KCNMA1: variants seen among roughly 807,000 people sequenced by gnomAD.
KCNMA1 encodes the protein potassium calcium-activated channel subfamily M alpha 1, also known as Calcium-activated potassium channel subunit alpha-1.
Under a neutral mutation model 140.0 loss-of-function variants are expected in KCNMA1, and 29 were observed. The ratio of observed to expected loss-of-function variants is 0.21; its 90% CI spans 0.15 to 0.28. KCNMA1 has a LOEUF of 0.28. KCNMA1 is among the 10% of genes least tolerant of loss of function. The pLI, the probability that KCNMA1 is intolerant of heterozygous loss-of-function variation, is 1.00. For missense variants in KCNMA1, 880 were observed against 1,602.2 expected (o/e 0.55, Z 7.70); for synonymous variants, 612 against 611.9 (o/e 1.00, Z 0.00).
At chr10:77,177,383 A>C (rs1283060632) in intron 5 of KCNMA1, among the ~76,000 whole-genome samples, 39 of 93,094 alleles carry the variant, frequency 4.2e-4, no homozygotes, top group Admixed American at 9.4e-4. Flanking sequence ...TCCTTCCTTC[A>C]CTTTCTTCCT....
intron 5 of KCNMA1, among the ~76,000 whole-genome samples, chr10:77,158,838 T>C (rs2154074135): frequency 6.6e-6 from 1 of 152,200 alleles, no homozygotes; most frequent in South Asian, 2.1e-4. Context: ...AAGGGAGGAC[T>C]GTGTAGTTGT....
At chr10:77,576,389 C>A (rs1480522925) in intron 1 of KCNMA1, among the ~76,000 whole-genome samples, 2 of 152,214 alleles carry the variant, frequency 1.3e-5, no homozygotes, top group Non-Finnish European at 2.9e-5. Context: ...CTTAGCCTCT[C>A]TTTCTCCCTA....
At chr10:77,043,721 A>G (rs1362434317) in intron 14 of KCNMA1, among the ~76,000 whole-genome samples, 2 of 152,186 alleles carry the variant, frequency 1.3e-5, no homozygotes, top group Non-Finnish European at 2.9e-5. Flanking sequence ...GCATTACGCT[A>G]ATTGAAATAA....
chr10:77,090,560 T>A (rs2096788875), intron 9 of KCNMA1, 50 bp from the exon 10 acceptor site: 1 of 1,206,478 alleles, frequency 8.3e-7, no homozygotes, highest in Non-Finnish European at 1.2e-6. Flanking sequence ...GACAGGACCC[T>A]GCATCCCACC....
chr10:77,066,064 G>A (rs925070578), intron 14 of KCNMA1, among the ~76,000 whole-genome samples: 24 of 152,270 alleles, frequency 1.6e-4, no homozygotes, highest in Admixed American at 1.6e-3. Context: ...GCCATTGTAG[G>A]GACTTTATTC....
intron 6 of KCNMA1, among the ~76,000 whole-genome samples, chr10:77,115,729 TC>T (rs2097445443): frequency 6.6e-6 from 1 of 152,322 alleles, no homozygotes; most frequent in East Asian, 1.9e-4. Flanking sequence ...GTTAGGGAGC[TC>T]TTGCCATATG....
At chr10:76,903,873 T>G (rs1340717683) in intron 25 of KCNMA1, 1 of 152,132 alleles carries the variant, frequency 6.6e-6, no homozygotes, top group African/African-American at 2.4e-5. Flanking sequence ...ACAGGCCAGC[T>G]CTCTGATATT....
chr10:77,501,635 A>G (rs1289700645), intron 1 of KCNMA1, among the ~76,000 whole-genome samples: 2 of 152,160 alleles, frequency 1.3e-5, no homozygotes, highest in Non-Finnish European at 2.9e-5. Context: ...GCAAGACTGC[A>G]GAGCTGAGCA....
rs372478628 is a variant in KCNMA1 at position 76,907,886 on chromosome 10, C to T, written c.3147+2080G>A. On this transcript the variant is annotated intron_variant, in intron 25 of 27. Coordinates refer to ENST00000286628, the MANE Select transcript of KCNMA1 (RefSeq NM_001161352.2). ...ACTCTGCTGTCACCATTTTGAAATT[C>T]TTAATAATTCATGAAAAGTGACCTT... Among the ~76,000 whole-genome samples, 10 of 152,240 alleles carry T rather than the reference C, an allele frequency of 6.6e-5. No individual in the cohort carries two copies. The East Asian group carries it at 1.9e-3, about 29-fold the overall frequency.
rs779419680 is a variant in KCNMA1, at chr10:77,637,270, T to C, written c.373A>G (p.Thr125Ala). ...GCGCCCGGGGCGCGCGTTACCTTCG[T>C]CTTGCCCCCGCAGTGGCAGCACACG... ...WTVCCHCGGK[T>A]KEAQKINNGS... is the part of the protein sequence containing the mutation. Residue 125 changes from threonine (T) to alanine (A), a missense_variant, in exon 1 of 28, where the codon ACG becomes GCG. Transcript: ENST00000286628. The C allele has an allele frequency of 6.2e-7, 1 of 1,606,630 alleles. No individual in the cohort carries two copies. The highest frequency in any genetic ancestry group is 8.5e-7 in the Non-Finnish European group (1 of 1,175,300).
chr10:77,043,449 A>G (rs2153597106), intron 14 of KCNMA1, among the ~76,000 whole-genome samples: 1 of 152,350 alleles, frequency 6.6e-6, no homozygotes, highest in Admixed American at 6.5e-5. Context: ...TCCTCAAAAA[A>G]TTAAACATAG....
At chr10:77,155,637 G>T (rs1006941134) in intron 5 of KCNMA1, among the ~76,000 whole-genome samples, 2 of 151,960 alleles carry the variant, frequency 1.3e-5, no homozygotes, top group African/African-American at 4.8e-5. Flanking sequence ...GTCAACACAA[G>T]TGTCTTTCTT....
chr10:77,508,988 T>C (rs910391686), intron 1 of KCNMA1, among the ~76,000 whole-genome samples: 2 of 152,238 alleles, frequency 1.3e-5, no homozygotes, highest in African/African-American at 4.8e-5. Flanking sequence ...GTGGCAGGAT[T>C]ACCTTCCTTT....
intron 3 of KCNMA1, 165 bp downstream of exon 3, chr10:77,251,030 T>A: frequency 1.5e-6 from 1 of 664,798 alleles, no homozygotes; most frequent in African/African-American, 1.8e-5. Context: ...CTGAGAACTT[T>A]CTTTCCCATT....
intron 26 of KCNMA1, 97 bp downstream of exon 26, chr10:76,891,428 A>C: frequency 1.1e-6 from 1 of 904,158 alleles, no homozygotes; most frequent in South Asian, 1.4e-5. Context: ...GAAGGAGAAA[A>C]GCCAGATGCC....
intron 1 of KCNMA1, among the ~76,000 whole-genome samples, chr10:77,561,206 G>C (rs1240511772): frequency 6.6e-6 from 1 of 151,890 alleles, no homozygotes; most frequent in Non-Finnish European, 1.5e-5. Context: ...TTGTGCTATG[G>C]GCTTCACACA....
intron 2 of KCNMA1, among the ~76,000 whole-genome samples, chr10:77,325,118 T>C (rs2083682677): frequency 6.6e-6 from 1 of 152,028 alleles, no homozygotes; most frequent in Non-Finnish European, 1.5e-5. Context: ...GCCTGACCAC[T>C]GAGGAGCAAA....
chr10:76,907,110 T>C (rs914087076), intron 25 of KCNMA1, among the ~76,000 whole-genome samples: 1 of 152,212 alleles, frequency 6.6e-6, no homozygotes, highest in Non-Finnish European at 1.5e-5. Context: ...ATGCTCCTGA[T>C]GATAAATACA....
At chr10:77,489,076 C>T (rs376625128) in intron 1 of KCNMA1, among the ~76,000 whole-genome samples, 1 of 152,142 alleles carries the variant, frequency 6.6e-6, no homozygotes, top group Non-Finnish European at 1.5e-5. Flanking sequence ...GAGCCTCAGA[C>T]AGGGGTAGAT....
Sources: allele counts gnomAD v4.1 joint callset (sites outside exome capture counted in the v4.1 genomes callset), GRCh38; gene constraint gnomAD v4.1.1; transcripts MANE v1.5; gene names NCBI Gene and HGNC (gene_info 2026-07-23, HGNC 2026-07-21).